ADAM12: variants seen among roughly 807,000 people sequenced by gnomAD.
The protein encoded by ADAM12 is disintegrin and metalloproteinase domain-containing protein 12.
ADAM12 carries 70 observed loss-of-function variants against 106.4 expected under a neutral mutation model. That is an observed-to-expected ratio of 0.66 (90% confidence interval 0.54 to 0.80). The LOEUF (loss-of-function observed/expected upper bound fraction) is 0.80, where lower values mean the gene tolerates loss of function less well. Among genes scored for constraint, ADAM12 ranks in the 30% least tolerant of loss-of-function variants. The probability of loss-of-function intolerance (pLI) is 0.00; values close to 1 mark genes in which losing one functional copy is unlikely to be tolerated. For missense variants in ADAM12, 1,010 were observed against 1,171.9 expected (o/e 0.86, Z 2.02); for synonymous variants, 420 against 433.5 (o/e 0.97, Z 0.39).
chr10:126,109,663 T>G (rs1465018921), intron 7 of ADAM12, 112 bp downstream of exon 7: 1 of 872,986 alleles, frequency 1.1e-6, no homozygotes, highest in Admixed American at 2.4e-5. Context: ...TCCATTGCTT[T>G]TAAGAGCACA....
intron 3 of ADAM12, among the ~76,000 whole-genome samples, chr10:126,245,441 C>A (rs1958610346): frequency 6.6e-6 from 1 of 152,208 alleles, no homozygotes; most frequent in Non-Finnish European, 1.5e-5. Flanking sequence ...GCATGGGGGA[C>A]ACCAGGAGCT....
intron 2 of ADAM12, among the ~76,000 whole-genome samples, chr10:126,285,763 G>A (rs1237579268): frequency 6.6e-6 from 1 of 152,070 alleles, no homozygotes; most frequent in African/African-American, 2.4e-5. Flanking sequence ...AGGCTTTTTT[G>A]GCAGACTCCC....
chr10:126,109,633 C>A, intron 7 of ADAM12, 142 bp downstream of exon 7: 1 of 613,992 alleles, frequency 1.6e-6, no homozygotes, highest in South Asian at 3.0e-5. Flanking sequence ...ATCAGAAAAC[C>A]ATTGTTTCAA....
intron 3 of ADAM12, among the ~76,000 whole-genome samples, chr10:126,248,648 G>GGTATGTATGTATGTAT (rs144495308): frequency 6.8e-6 from 1 of 148,102 alleles, no homozygotes; most frequent in Non-Finnish European, 1.5e-5. Context: ...GAGCCTCACA[G>GGTATGTATGTATGTAT]GTATGTATGT....
intron 3 of ADAM12, among the ~76,000 whole-genome samples, chr10:126,214,386 A>C (rs1474072675): frequency 6.6e-6 from 1 of 152,236 alleles, no homozygotes. Context: ...CCTCTGAGAT[A>C]ACATTTATAA....
At chr10:126,080,511 G>A (rs759359407) in intron 11 of ADAM12, among the ~76,000 whole-genome samples, 6 of 150,620 alleles carry the variant, frequency 4.0e-5, no homozygotes, top group African/African-American at 7.4e-5. Flanking sequence ...CTTTAAAATG[G>A]TGATACCTGC....
chr10:126,118,994 C>A (rs939380389), intron 5 of ADAM12, among the ~76,000 whole-genome samples: 13 of 152,156 alleles, frequency 8.5e-5, no homozygotes, highest in Non-Finnish European at 1.9e-4. Flanking sequence ...CCTGATCAGC[C>A]CTATTCCCTA....
At chr10:126,132,265 G>A (rs375382907) in intron 5 of ADAM12, among the ~76,000 whole-genome samples, 1 of 152,120 alleles carries the variant, frequency 6.6e-6, no homozygotes, top group Non-Finnish European at 1.5e-5. Context: ...GAGCCACCGC[G>A]CCCCCGGGCA....
At chr10:126,384,884 A>T (rs1185426967) in intron 1 of ADAM12, among the ~76,000 whole-genome samples, 1 of 152,192 alleles carries the variant, frequency 6.6e-6, no homozygotes, top group Non-Finnish European at 1.5e-5. Context: ...ATCAGATCAC[A>T]CAGGTTAAGG....
Position 126,135,574 on chromosome 10 carries a change from G to A in ADAM12, c.416+10C>T, listed in dbSNP as rs773880941. Reference sequence around the variant, plus strand: ...TGAAGACTAGAGCCGCCATGGTCATGGCCACTTACCTGAGACCAGAACACG... The same window carrying A: ...TGAAGACTAGAGCCGCCATGGTCATAGCCACTTACCTGAGACCAGAACACG... On this transcript the variant is annotated intron_variant, in intron 5 of 22. Coordinates refer to ENST00000448723, the MANE Select transcript of ADAM12 (RefSeq NM_001288973.2). The A allele has an allele frequency of 1.2e-6, 2 of 1,613,468 alleles. No individual in the cohort carries two copies. The highest frequency in any genetic ancestry group is 2.2e-5 in the South Asian group (2 of 91,060).
At chr10:126,327,969 C>G (rs1854364768) in intron 2 of ADAM12, among the ~76,000 whole-genome samples, 1 of 152,190 alleles carries the variant, frequency 6.6e-6, no homozygotes. Flanking sequence ...TGCCTCCTCC[C>G]TGCTCCTCCA....
intron 3 of ADAM12, among the ~76,000 whole-genome samples, chr10:126,201,436 G>A (rs201040276): frequency 2.0e-5 from 3 of 152,108 alleles, no homozygotes; most frequent in African/African-American, 2.4e-5. Flanking sequence ...AGCCAAAAAC[G>A]CCAGGGAACC....
At chr10:126,254,389 T>G (rs932616462) in intron 3 of ADAM12, among the ~76,000 whole-genome samples, 1 of 152,204 alleles carries the variant, frequency 6.6e-6, no homozygotes, top group Non-Finnish European at 1.5e-5. Flanking sequence ...GCTCCCTCTG[T>G]GTCAGCTGTC....
At chr10:126,121,283 T>C (rs1406571202) in intron 5 of ADAM12, among the ~76,000 whole-genome samples, 1 of 111,706 alleles carries the variant, frequency 9.0e-6, no homozygotes, top group Non-Finnish European at 1.6e-5. Context: ...TATAATATAC[T>C]ATATTATATT....
intron 3 of ADAM12, among the ~76,000 whole-genome samples, chr10:126,188,684 T>C (rs1957443183): frequency 6.6e-6 from 1 of 152,218 alleles, no homozygotes; most frequent in Non-Finnish European, 1.5e-5. Context: ...TTGTACGCCC[T>C]TTAATCCCCT....
chr10:126,249,875 T>G (rs1958711162), intron 3 of ADAM12, among the ~76,000 whole-genome samples: 1 of 152,202 alleles, frequency 6.6e-6, no homozygotes, highest in African/African-American at 2.4e-5. Flanking sequence ...TGACTGCTCA[T>G]TATTGGAGCA....
intron 3 of ADAM12, among the ~76,000 whole-genome samples, chr10:126,159,460 ATTT>A (rs563651042): frequency 6.6e-6 from 1 of 152,150 alleles, no homozygotes; most frequent in Non-Finnish European, 1.5e-5. Flanking sequence ...CTTTATTAAT[ATTT>A]TAGCAATTCA....
chr10:126,293,239 C>T lies in ADAM12; in HGVS notation c.187-14251G>A, dbSNP rs138505574. The stretch of plus-strand genomic sequence containing the variant: ...TGCAGCTTCTGGGAGGGGAGAAATA[C>T]CAGGAAAAATGGCAACCCTTGGTTT... On this transcript the variant is annotated intron_variant, in intron 2 of 22. Coordinates refer to ENST00000448723, the MANE Select transcript of ADAM12 (RefSeq NM_001288973.2). Among the ~76,000 whole-genome samples the T allele has an allele frequency of 9.2e-4, 140 of 152,296 alleles. 1 individual carries two copies. The highest frequency in any genetic ancestry group is 3.2e-3 in the African/African-American group (135 of 41,544).
At chr10:126,137,374 T>C (rs1956424470) in intron 4 of ADAM12, among the ~76,000 whole-genome samples, 1 of 152,208 alleles carries the variant, frequency 6.6e-6, no homozygotes, top group Non-Finnish European at 1.5e-5. Context: ...AAGTTGTCCT[T>C]TAAAATTAAG....
Sources: allele counts gnomAD v4.1 joint callset (sites outside exome capture counted in the v4.1 genomes callset), GRCh38; gene constraint gnomAD v4.1.1; transcripts MANE v1.5; gene names NCBI Gene and HGNC (gene_info 2026-07-23, HGNC 2026-07-21).